Variants in CACNA1E observed in about 807,000 individuals in gnomAD.
The protein encoded by CACNA1E is calcium voltage-gated channel subunit alpha1 E.
In CACNA1E, 40 loss-of-function variants were observed where a neutral mutation model predicts 259.2. That is an observed-to-expected ratio of 0.15 (90% CI 0.12 to 0.20). CACNA1E has a LOEUF of 0.20. Ranked by LOEUF, CACNA1E falls within the 10% of genes least tolerant of loss-of-function variation. CACNA1E has a pLI of 1.00. For missense variants in CACNA1E, 1,874 were observed against 3,040.1 expected (o/e 0.62, Z 9.02); for synonymous variants, 1,104 against 1,138.5 (o/e 0.97, Z 0.61).
In CACNA1E at chr1:181,325,730, G is replaced by A. The variant is rs550627078; in HGVS notation, c.-15+7607G>A. Among the ~76,000 whole-genome samples, 26 of 151,968 alleles carry A rather than the reference G, an allele frequency of 1.7e-4. No homozygotes were observed. In the South Asian group the frequency reaches 3.5e-3, roughly 21 times the overall value. On this transcript the variant is annotated intron_variant, in intron 1 of 11. Coordinates refer to the CACNA1E transcript ENST00000524607. The stretch of plus-strand genomic sequence containing the variant: ...GTCTAGGCCAAGGAAATAGGAGATC[G>A]TGGGTGGGGAAACAGACTGAGGGAA...
At chr1:181,535,268 G>A (rs1256860124) in intron 3 of CACNA1E, among the ~76,000 whole-genome samples, 1 of 151,992 alleles carries the variant, frequency 6.6e-6, no homozygotes, top group Non-Finnish European at 1.5e-5. Context: ...GTCCTCAGAG[G>A]CTTAAACATT....
rs1655719165 is a variant in CACNA1E, at chr1:181,733,499, C to G, written c.3011C>G (p.Thr1004Ser). The G allele has an allele frequency of 1.3e-6, 2 of 1,590,286 alleles. No individual in the cohort carries two copies. Among genetic ancestry groups the G allele is most frequent in the Non-Finnish European group, 1.7e-6 (2 of 1,166,994 alleles). The change falls in exon 21 of 48, where the codon ACC becomes AGC. Residue 1004 changes from threonine to serine, a missense_variant. Around this residue, in one of 14 missense-constraint regions of CACNA1E, gnomAD observed 476 missense variants for 514.0 expected, o/e 0.93. Transcript: ENST00000367573. Reference protein sequence around the residue: ...GLAGGLDEADTPLVLPHPELE... With the variant: ...GLAGGLDEADSPLVLPHPELE... Reference sequence around the variant, plus strand: ...GCAGGAGGCCTTGATGAGGCTGACACCCCCCTAGTCCTGCCCCATCCTGAG... The same window carrying G: ...GCAGGAGGCCTTGATGAGGCTGACAGCCCCCTAGTCCTGCCCCATCCTGAG...
In CACNA1E at chr1:181,699,314, C is replaced by A. The variant is rs531778819; in HGVS notation, c.1056-11640C>A. ...TATATTCTTGAGCAAAGACAAAAAA[C>A]CAAATAGCTGAACAAGGTAGCTTTT... On this transcript the variant is annotated intron_variant, in intron 7 of 47. Coordinates refer to ENST00000367573, the MANE Select transcript of CACNA1E (RefSeq NM_001205293.3). Among the ~76,000 whole-genome samples, 53 of 152,236 alleles carry A rather than the reference C, an allele frequency of 3.5e-4. 1 individual carries two copies. In the Middle Eastern group the frequency reaches 0.01, roughly 29 times the overall value.
chr1:181,344,771 A>G (rs1457888925), intron 1 of CACNA1E, among the ~76,000 whole-genome samples: 1 of 152,222 alleles, frequency 6.6e-6, no homozygotes, highest in Admixed American at 6.5e-5. Flanking sequence ...CTTGGCTGAT[A>G]GCACTGAGGC....
Position 181,798,614 on chromosome 1 carries a change from C to T in CACNA1E, c.6722C>T (p.Ala2241Val), listed in dbSNP as rs771867476. The part of the protein sequence containing the change: ...PYLALHEDSH[A>V]SDCGEEETLT... ...TTGGCCCTGCACGAAGACTCCCACGCCTCAGACTGTGGTGAGGAGGAGACG... is the reference window on the plus strand; with the variant it reads ...TTGGCCCTGCACGAAGACTCCCACGTCTCAGACTGTGGTGAGGAGGAGACG... The change falls in exon 48 of 48, where the codon GCC becomes GTC. Residue 2241 changes from alanine (A) to valine (V), a missense_variant. Coordinates refer to ENST00000367573, the MANE Select transcript of CACNA1E (RefSeq NM_001205293.3). The surrounding 1 kb of genome is among the most constrained non-coding windows in gnomAD (Gnocchi z 4.2). 3 of 1,613,034 alleles carry T rather than the reference C, an allele frequency of 1.9e-6. No homozygotes were observed. The highest frequency in any genetic ancestry group is 1.3e-5 in the African/African-American group (1 of 74,934).
chr1:181,401,175 A>T (rs1235937034), intron 1 of CACNA1E, among the ~76,000 whole-genome samples: 1 of 151,764 alleles, frequency 6.6e-6, no homozygotes, highest in African/African-American at 2.4e-5. Context: ...CCACTTCCTC[A>T]CTTATTTCGA....
intron 1 of CACNA1E, among the ~76,000 whole-genome samples, chr1:181,318,522 G>C (rs557285701): frequency 6.6e-6 from 1 of 152,204 alleles, no homozygotes; most frequent in Non-Finnish European, 1.5e-5. Flanking sequence ...GCGGAGCCAG[G>C]CTCCGAGAAG....
At chr1:181,412,701 T>A (rs1657944548) in intron 1 of CACNA1E, among the ~76,000 whole-genome samples, 1 of 152,030 alleles carries the variant, frequency 6.6e-6, no homozygotes, top group South Asian at 2.1e-4. Flanking sequence ...CTACCAAAAA[T>A]GGGAGGGAAC....
chr1:181,553,292 G>A (rs952667671), intron 3 of CACNA1E, among the ~76,000 whole-genome samples: 3 of 151,914 alleles, frequency 2.0e-5, no homozygotes, highest in Non-Finnish European at 2.9e-5. Context: ...TTCATGATTC[G>A]GCTCTCTGCT....
In CACNA1E at chr1:181,758,735, CTCTT is replaced by C. The variant is rs1173349889; in HGVS notation, c.4495-22_4495-19del. 5.3e-6 allele frequency: 7 copies of C among 1,330,626 alleles called. No individual in the cohort carries two copies. The highest frequency in any genetic ancestry group is 7.5e-6 in the Non-Finnish European group (7 of 927,916). The allele number at this position is 1,330,626 out of a possible 1,614,324, so 82.4% of individuals were successfully genotyped here. A position where few individuals can be genotyped will look rare whatever the true frequency, so the allele number is the denominator to read the frequency against. On this transcript the variant is annotated intron_variant, in intron 31 of 47. Coordinates refer to ENST00000367573, the MANE Select transcript of CACNA1E (RefSeq NM_001205293.3). The surrounding 1 kb of genome is among the most constrained non-coding windows in gnomAD (Gnocchi z 4.2). Reference sequence around the variant, plus strand: ...TTACCTTAAGGCTGTGATTCTTTCTCTCTTCTTTTTTCTTCCTGGCAGTATTATT... The same window carrying C: ...TTACCTTAAGGCTGTGATTCTTTCTCCTTTTTTCTTCCTGGCAGTATTATT...
intron 6 of CACNA1E, among the ~76,000 whole-genome samples, chr1:181,633,648 C>T (rs891837053): frequency 2.6e-5 from 4 of 152,006 alleles, no homozygotes; most frequent in East Asian, 3.9e-4. Context: ...CCTGCCACCA[C>T]GCCCGGCTCA....
intron 7 of CACNA1E, among the ~76,000 whole-genome samples, chr1:181,688,799 C>T (rs1354663036): frequency 6.6e-6 from 1 of 152,150 alleles, no homozygotes; most frequent in Non-Finnish European, 1.5e-5. Flanking sequence ...TCTCCATTTC[C>T]CCTTCCCACT....
intron 25 of CACNA1E, among the ~76,000 whole-genome samples, chr1:181,739,850 C>T (rs751859192): frequency 1.7e-4 from 26 of 152,194 alleles, no homozygotes; most frequent in Admixed American, 3.9e-4. Flanking sequence ...TTAAACCATT[C>T]AGGCAACAAA....
At chr1:181,631,995 C>T (rs1487606116) in intron 6 of CACNA1E, among the ~76,000 whole-genome samples, 1 of 152,180 alleles carries the variant, frequency 6.6e-6, no homozygotes, top group African/African-American at 2.4e-5. Flanking sequence ...GCACGAAGTG[C>T]AGGAGATGGT....
intron 43 of CACNA1E, among the ~76,000 whole-genome samples, chr1:181,788,261 G>A (rs770879831): frequency 1.5e-4 from 23 of 152,174 alleles, no homozygotes; most frequent in Non-Finnish European, 2.8e-4. Context: ...TTGGGTGCAT[G>A]TTGGTACATT....
intron 25 of CACNA1E, among the ~76,000 whole-genome samples, chr1:181,740,515 TG>T (rs532222603): frequency 1.1e-4 from 14 of 132,730 alleles, no homozygotes; most frequent in African/African-American, 4.1e-4. Flanking sequence ...AGTGGCCTGG[TG>T]GGGGTGGGGA....
chr1:181,503,502 G>A lies in CACNA1E; in HGVS notation c.267-6975G>A, dbSNP rs184964886. Among the ~76,000 whole-genome samples, 8 of 152,262 alleles carry A rather than the reference G, an allele frequency of 5.3e-5. No individual in the cohort carries two copies. The East Asian group carries it at 1.4e-3, about 26-fold the overall frequency. ...AAATGTCTTTGCTCTTTTCCTGGAG[G>A]CCCATTACCATAATTTTCTTTTAAA... is the stretch of plus-strand genomic sequence containing the variant. On this transcript the variant is annotated intron_variant, in intron 1 of 47. Transcript: ENST00000367573.
At chr1:181,458,307 G>C (rs948202270) in intron 2 of CACNA1E, among the ~76,000 whole-genome samples, 1 of 152,300 alleles carries the variant, frequency 6.6e-6, no homozygotes, top group South Asian at 2.1e-4. Flanking sequence ...CCACCACCTG[G>C]CTCCCCATTC....
At chr1:181,612,541 C>T (rs1412692040) in intron 6 of CACNA1E, among the ~76,000 whole-genome samples, 1 of 152,210 alleles carries the variant, frequency 6.6e-6, no homozygotes, top group East Asian at 1.9e-4. Context: ...ATAGAGTTTA[C>T]TCAGGAAAGC....
Sources: gnomAD v4.1 joint callset for allele counts (sites outside exome capture counted in the v4.1 genomes callset) on GRCh38, gnomAD v4.1.1 for gene constraint, gnomAD v4.1.1 regional missense constraint, Gnocchi (gnomAD v3.1) non-coding constraint, MANE v1.5 for transcripts, NCBI Gene and HGNC (gene_info 2026-07-23, HGNC 2026-07-21) for gene names.